Variants in LGALS9C observed in about 807,000 individuals in gnomAD.
LGALS9C encodes galectin-9C.
LGALS9C carries 7 observed loss-of-function variants against 41.3 expected under a neutral mutation model. The ratio of observed to expected loss-of-function variants is 0.17; its 90% confidence interval spans 0.10 to 0.32. The LOEUF is 0.32. Among genes scored for constraint, LGALS9C ranks in the 10% least tolerant of loss-of-function variants. The pLI is 1.00. For synonymous variants in LGALS9C, 44 were observed against 171.0 expected (o/e 0.26, Z 5.80); for missense variants, 102 against 455.2 (o/e 0.22, Z 7.06).
rs1989576619 is a variant in LGALS9C at position 18,486,017 on chromosome 17, T to C, written c.215T>C (p.Val72Ala). The C allele has an allele frequency of 7.8e-7, 1 of 1,278,400 alleles. No homozygotes were observed. The allele number at this position is 1,278,400 out of a possible 1,614,324, so 79.2% of individuals were successfully genotyped here. ...FNPRFEDGGYVVCNTRQKGTW... is the reference protein window; with the variant it reads ...FNPRFEDGGYAVCNTRQKGTW... ...CCTCGGTTTGAAGACGGAGGGTATGTGGTGTGCAACACGAGGCAGAAAGGA... is the reference window on the plus strand; with the variant it reads ...CCTCGGTTTGAAGACGGAGGGTATGCGGTGTGCAACACGAGGCAGAAAGGA... The change falls in exon 3 of 11, where the codon GTG (valine) becomes GCG (alanine). Residue 72 changes from valine (V) to alanine (A), a missense_variant. Val to Ala is a moderately conservative substitution (Grantham distance 64, BLOSUM62 0). Coordinates refer to ENST00000328114, the MANE Select transcript of LGALS9C (RefSeq NM_001040078.3).
At chr17:18,484,699 AGCCTCTCT>A (rs1320521658) in intron 2 of LGALS9C, among the ~76,000 whole-genome samples, 1 of 150,806 alleles carries the variant, frequency 6.6e-6, no homozygotes, top group African/African-American at 2.4e-5. Flanking sequence ...CTCTCTCGGA[AGCCTCTCT>A]GCCTCAGTCC....
Position 18,485,816 on chromosome 17 carries a change from C to A in LGALS9C, c.132-118C>A, listed in dbSNP as rs1164959572. 3 of 929,862 alleles carry A rather than the reference C, an allele frequency of 3.2e-6. 1 individual carries two copies. In the Admixed American group the frequency reaches 6.8e-5, roughly 21 times the overall value. The allele number at this position is 929,862 out of a possible 1,614,324, so 57.6% of individuals were successfully genotyped here. ...AGGATGCCAACCAAGCAGTCTCTGC[C>A]ACGCAGGTTGTATGCAAGATCCCAG... is the stretch of plus-strand genomic sequence containing the variant. On this transcript the variant is annotated intron_variant, in intron 2 of 10. Transcript: ENST00000328114.
chr17:18,487,853 C>A, intron 4 of LGALS9C, 96 bp downstream of exon 4: 2 of 1,537,516 alleles, frequency 1.3e-6, no homozygotes, highest in Admixed American at 1.8e-5. Context: ...AGCCAATCTC[C>A]TACCCAGGTC....
rs1989268984 is a variant in LGALS9C, at chr17:18,478,041, T to C, written c.39+1148T>C. ...CTTTCTAGACTCCAGAGAGGAAGAA[T>C]GGAGAAAGGAGGCCTGTTTCCTCCT... On this transcript the variant is annotated intron_variant, in intron 1 of 10. Transcript: ENST00000328114. 1.6e-5 allele frequency among the ~76,000 whole-genome samples: 2 copies of C among 125,590 alleles called. 1 individual carries two copies. Among genetic ancestry groups the C allele is most frequent in the Non-Finnish European group, 3.9e-5 (2 of 51,302 alleles). The allele number at this position is 125,590 out of a possible 152,430, so 82.4% of individuals were successfully genotyped here. A position where few individuals can be genotyped will look rare whatever the true frequency, so the allele number is the denominator to read the frequency against.
rs368179656 is a variant in LGALS9C at position 18,487,790 on chromosome 17, G to T, written c.444+33G>T. The T allele has an allele frequency of 1.7e-5, 27 of 1,580,326 alleles. No individual in the cohort carries two copies. The African/African-American group carries it at 3.5e-4, about 20-fold the overall frequency. ...TGTCCACCTGGCACCGGTCCCAGGG[G>T]CTGGGATGCAGGGCCCAGCGTAGCT... is the stretch of plus-strand genomic sequence containing the variant. On this transcript the variant is annotated intron_variant, in intron 4 of 10. Coordinates refer to ENST00000328114, the MANE Select transcript of LGALS9C (RefSeq NM_001040078.3).
At chr17:18,478,520 G>A (rs116352087) in intron 1 of LGALS9C, among the ~76,000 whole-genome samples, 10,882 of 93,714 alleles carry the variant, frequency 0.12, 264 homozygotes, top group South Asian at 0.13. Flanking sequence ...CCGACAGTGG[G>A]GGAAGGTCAC....
chr17:18,487,124 T>A, intron 3 of LGALS9C, among the ~76,000 whole-genome samples: 1 of 132,608 alleles, frequency 7.5e-6, no homozygotes, highest in Non-Finnish European at 1.7e-5. Context: ...AGGTCAGGAG[T>A]TCAAGACCTG....
rs371176799 is a variant in LGALS9C at position 18,478,150 on chromosome 17, G to C, written c.39+1257G>C. ...AGAGGGAGTGGGGGAAGCTGGAATG[G>C]GCTGCCGGTGTTGGGCGAGCCTTAG... On this transcript the variant is annotated intron_variant, in intron 1 of 10. Coordinates refer to ENST00000328114, the MANE Select transcript of LGALS9C (RefSeq NM_001040078.3). Among the ~76,000 whole-genome samples the C allele has an allele frequency of 2.7e-4, 35 of 129,870 alleles. 3 individuals carry two copies. The South Asian group carries it at 8.4e-3, about 31-fold the overall frequency. The allele number at this position is 129,870 out of a possible 152,430, so 85.2% of individuals were successfully genotyped here. A position where few individuals can be genotyped will look rare whatever the true frequency, so the allele number is the denominator to read the frequency against.
At chr17:18,483,643 C>G (rs1463725507) in intron 1 of LGALS9C, among the ~76,000 whole-genome samples, 1 of 104,224 alleles carries the variant, frequency 9.6e-6, no homozygotes, top group East Asian at 2.0e-4. Context: ...CTCTCAGGGC[C>G]AGGATTCTCC....
rs1166687895 is a variant in LGALS9C at position 18,482,507 on chromosome 17, CAAAAAA to C, written c.40-1355_40-1350del. Reference sequence around the variant, plus strand: ...TCCCCCAAGAAATTAGAAAGTTTTACAAAAAAAAAAAAAAAAAATTCAGGTTTCTGT... The same window carrying C: ...TCCCCCAAGAAATTAGAAAGTTTTACAAAAAAAAAAAATTCAGGTTTCTGT... On this transcript the variant is annotated intron_variant, in intron 1 of 10. Coordinates refer to ENST00000328114, the MANE Select transcript of LGALS9C (RefSeq NM_001040078.3). 5.4e-3 allele frequency among the ~76,000 whole-genome samples: 510 copies of C among 95,170 alleles called. 15 individuals carry two copies. Among genetic ancestry groups the C allele is most frequent in the South Asian group, 0.02 (59 of 2,924 alleles). The allele number at this position is 95,170 out of a possible 152,430, so 62.4% of individuals were successfully genotyped here.
chr17:18,485,787 A>G, intron 2 of LGALS9C, 147 bp from the exon 3 acceptor site: 4 of 952,890 alleles, frequency 4.2e-6, no homozygotes, highest in Non-Finnish European at 6.4e-6. Context: ...TTAGAGAAAC[A>G]AAAAGGATGC....
At chr17:18,478,332 A>C (rs1989278693) in intron 1 of LGALS9C, among the ~76,000 whole-genome samples, 1 of 122,948 alleles carries the variant, frequency 8.1e-6, no homozygotes, top group Admixed American at 7.9e-5. Flanking sequence ...TCCTATGCAC[A>C]TCAGAGAGTT....
rs1380647133 is a variant in LGALS9C, at chr17:18,483,133, C to T, written c.40-742C>T. Among the ~76,000 whole-genome samples the T allele has an allele frequency of 8.8e-5, 11 of 124,620 alleles. 1 individual carries two copies. Among genetic ancestry groups the T allele is most frequent in the Admixed American group, 3.1e-4 (4 of 12,870 alleles). 81.8% of individuals were successfully genotyped at this position (124,620 alleles called of 152,430 possible). A position where few individuals can be genotyped will look rare whatever the true frequency, so the allele number is the denominator to read the frequency against. ...ACCTGGAGTCGGCCTGACTCCAAAA[C>T]GATGCATGCCTCACCATGGCCCATA... is the stretch of plus-strand genomic sequence containing the variant. On this transcript the variant is annotated intron_variant, in intron 1 of 10. Coordinates refer to ENST00000328114, the MANE Select transcript of LGALS9C (RefSeq NM_001040078.3).
intron 3 of LGALS9C, among the ~76,000 whole-genome samples, chr17:18,487,292 C>CAA (rs1202417016): frequency 2.6e-4 from 5 of 19,050 alleles, no homozygotes; most frequent in Non-Finnish European, 4.1e-4. Flanking sequence ...CACTCTATCT[C>CAA]AAAAAAAAAA....
At chr17:18,489,769 CTGTT>C (rs1397101261) in intron 5 of LGALS9C, 1 of 91,782 alleles carries the variant, frequency 1.1e-5, no homozygotes, top group Admixed American at 1.0e-4. Context: ...CCCATTGTAA[CTGTT>C]TGCGTGTCTG....
chr17:18,490,619 TG>T (rs1400882379), intron 5 of LGALS9C, 113 bp from the exon 6 acceptor site: 4 of 496,780 alleles, frequency 8.1e-6, no homozygotes, highest in Non-Finnish European at 1.5e-5. Context: ...GGGAGGTGGG[TG>T]TGTCTGGGGA....
At chr17:18,486,462 G>C (rs1373533012) in intron 3 of LGALS9C, 1 of 302,216 alleles carries the variant, frequency 3.3e-6, no homozygotes, top group Non-Finnish European at 6.8e-6. Flanking sequence ...CTCCTCTCCA[G>C]GTCCCTGGTA....
At chr17:18,487,879 T>C (rs1989660015) in intron 4 of LGALS9C, 122 bp downstream of exon 4, 1 of 1,007,400 alleles carries the variant, frequency 9.9e-7, no homozygotes, top group Non-Finnish European at 1.5e-6. Context: ...GGGGACAACC[T>C]CTGCTTCCCT....
In LGALS9C at chr17:18,478,572, C is replaced by T. The variant is rs574240003; in HGVS notation, c.39+1679C>T. On this transcript the variant is annotated intron_variant, in intron 1 of 10. Transcript: ENST00000328114. Reference sequence around the variant, plus strand: ...TGAGGAGGGCTGAGTGCCATGAGGGCCTGGCTTGGAAACCTCACTCCCACT... The same window carrying T: ...TGAGGAGGGCTGAGTGCCATGAGGGTCTGGCTTGGAAACCTCACTCCCACT... 6.6e-4 allele frequency among the ~76,000 whole-genome samples: 85 copies of T among 127,846 alleles called. 3 individuals are homozygous for T. The highest frequency in any genetic ancestry group is 1.7e-4 in the Non-Finnish European group (9 of 52,808). 83.9% of individuals were successfully genotyped at this position (127,846 alleles called of 152,430 possible).
Sources: gnomAD v4.1 joint callset for allele counts (sites outside exome capture counted in the v4.1 genomes callset) on GRCh38, gnomAD v4.1.1 for gene constraint, MANE v1.5 for transcripts, NCBI Gene and HGNC (gene_info 2026-07-23, HGNC 2026-07-21) for gene names.